The following CFAP43 variants were observed in gnomAD, a reference collection of about 807,000 sequenced individuals.
CFAP43 encodes cilia and flagella associated protein 43, also known as cilia- and flagella-associated protein 43.
CFAP43 carries 155 observed loss-of-function variants against 218.9 expected under a neutral mutation model. The ratio of observed to expected loss-of-function variants is 0.71; its 90% confidence interval spans 0.62 to 0.81. The LOEUF (loss-of-function observed/expected upper bound fraction) is 0.81. Among genes scored for constraint, CFAP43 ranks in the 30% least tolerant of loss-of-function variants. The probability of loss-of-function intolerance (pLI) is 0.00; values close to 1 mark genes in which losing one functional copy is unlikely to be tolerated. For missense variants in CFAP43, 1,778 were observed against 1,954.3 expected (o/e 0.91, Z 1.70); for synonymous variants, 645 against 681.3 (o/e 0.95, Z 0.83).
chr10:104,171,185 C>A (rs773386926), intron 20 of CFAP43, among the ~76,000 whole-genome samples: 44 of 152,152 alleles, frequency 2.9e-4, no homozygotes, highest in Non-Finnish European at 6.0e-4. Context: ...AATACATTAG[C>A]CCCATGACAG....
At chr10:104,148,139 G>C (rs954610343) in intron 28 of CFAP43, 141 bp from the exon 29 acceptor site, 6 of 437,576 alleles carry the variant, frequency 1.4e-5, no homozygotes, top group African/African-American at 2.0e-5. Context: ...AAGAAAAAGG[G>C]AATACAGCTT....
chr10:104,193,628 C>A, intron 11 of CFAP43: 2 of 453,304 alleles, frequency 4.4e-6, no homozygotes, highest in Non-Finnish European at 7.8e-6. Flanking sequence ...ATGGATAAAA[C>A]ATCTCAGGAG....
chr10:104,146,207 A>G (rs773963498), intron 30 of CFAP43, 56 bp downstream of exon 30: 82 of 1,437,782 alleles, frequency 5.7e-5, no homozygotes, highest in Non-Finnish European at 6.9e-5. Context: ...CCTTCCTCCA[A>G]TCCAGGCAGC....
chr10:104,207,096 C>A (rs377645285), intron 6 of CFAP43, among the ~76,000 whole-genome samples: 1 of 152,100 alleles, frequency 6.6e-6, no homozygotes, highest in African/African-American at 2.4e-5. Context: ...TCGCTTGAAC[C>A]CAGGAGGCGG....
chr10:104,218,054 C>T (rs532638222), intron 3 of CFAP43, among the ~76,000 whole-genome samples: 1 of 152,256 alleles, frequency 6.6e-6, no homozygotes, highest in South Asian at 2.1e-4. Flanking sequence ...TAAAGAAATG[C>T]TTGTGTTTCC....
intron 10 of CFAP43, 107 bp downstream of exon 10, chr10:104,196,746 G>C: frequency 1.1e-6 from 1 of 911,010 alleles, no homozygotes; most frequent in Non-Finnish European, 1.6e-6. Context: ...AATGCAGTGA[G>C]GCTTCGGTAA....
chr10:104,142,210 G>A (rs1345961495), intron 33 of CFAP43, 71 bp downstream of exon 33: 35 of 1,305,430 alleles, frequency 2.7e-5, no homozygotes, highest in Admixed American at 1.3e-4. Context: ...ATTCTCCCCA[G>A]TGATAACACA....
chr10:104,192,172 TA>T, intron 12 of CFAP43, 26 bp downstream of exon 12: 3 of 1,485,640 alleles, frequency 2.0e-6, no homozygotes, highest in Non-Finnish European at 2.8e-6. Flanking sequence ...ATCAATATTT[TA>T]AATTAATCAG....
intron 28 of CFAP43, among the ~76,000 whole-genome samples, chr10:104,151,782 T>C (rs2088271176): frequency 6.6e-6 from 1 of 152,230 alleles, no homozygotes; most frequent in Admixed American, 6.5e-5. Context: ...TGGTTGCTTT[T>C]GGTATCTTCA....
chr10:104,161,926 A>G, intron 26 of CFAP43, 35 bp downstream of exon 26: 1 of 1,593,308 alleles, frequency 6.3e-7, no homozygotes, highest in African/African-American at 1.3e-5. Flanking sequence ...TTTCCACCCC[A>G]TTCCACCTTC....
chr10:104,195,403 A>G (rs1360869191), intron 10 of CFAP43, among the ~76,000 whole-genome samples: 2 of 152,184 alleles, frequency 1.3e-5, no homozygotes, highest in Admixed American at 6.5e-5. Flanking sequence ...GATCTCTCCT[A>G]GTTTACTATT....
At position 104,132,164 on chromosome 10, in the gene CFAP43, A is replaced by T. The variant is rs372257729; in HGVS notation, c.4629T>A (p.Ile1543=). ...GTTCCATTATTCCAATCTGAATACTAATCAGAGCCTCATAGTTTGGTTCAT... is the reference window on the plus strand; with the variant it reads ...GTTCCATTATTCCAATCTGAATACTTATCAGAGCCTCATAGTTTGGTTCAT... The part of the protein sequence containing the change: ...YLNEPNYEAL[I]SIQIGIMEQT... Residue 1543 remains isoleucine (I), a synonymous_variant, in exon 36 of 38, where the codon ATT becomes ATA. Transcript: ENST00000357060. 9 of 1,606,168 alleles carry T rather than the reference A, an allele frequency of 5.6e-6. No homozygotes were observed. The African/African-American group carries it at 1.2e-4, about 22-fold the overall frequency.
rs867965258 is a variant in CFAP43, at chr10:104,198,746, G to A, written c.1096-708C>T. 7.4e-4 allele frequency among the ~76,000 whole-genome samples: 113 copies of A among 152,036 alleles called. 1 individual carries two copies. The highest frequency in any genetic ancestry group is 3.4e-3 in the Middle Eastern group (1 of 292). ...GCTCACTGCAACGTCTGCCTCCTGGGTTCAAGAGATTCTCCTGCCTCAGCC... is the reference window on the plus strand; with the variant it reads ...GCTCACTGCAACGTCTGCCTCCTGGATTCAAGAGATTCTCCTGCCTCAGCC... On this transcript the variant is annotated intron_variant, in intron 8 of 37. Transcript: ENST00000357060.
chr10:104,230,941 A>T, intron 1 of CFAP43, 98 bp from the exon 2 acceptor site: 1 of 1,326,666 alleles, frequency 7.5e-7, no homozygotes, highest in Non-Finnish European at 1.0e-6. Flanking sequence ...AAACATTTCT[A>T]TTTTCATGTC....
At chr10:104,156,941 G>A (rs898134121) in intron 27 of CFAP43, among the ~76,000 whole-genome samples, 5 of 152,128 alleles carry the variant, frequency 3.3e-5, no homozygotes, top group African/African-American at 9.7e-5. Flanking sequence ...CTCAACATAA[G>A]GGGCACATGA....
At chr10:104,203,936 G>T in intron 7 of CFAP43, 133 bp from the exon 8 acceptor site, 1 of 730,190 alleles carries the variant, frequency 1.4e-6, no homozygotes, top group South Asian at 3.8e-5. Flanking sequence ...TTGCATAGAT[G>T]CACTGTCCTC....
intron 3 of CFAP43, among the ~76,000 whole-genome samples, chr10:104,217,755 T>C (rs1291756209): frequency 2.0e-5 from 3 of 152,236 alleles, no homozygotes; most frequent in East Asian, 1.9e-4. Flanking sequence ...CACTGTATCA[T>C]ACAGATGCTG....
At chr10:104,161,909 G>A in intron 26 of CFAP43, 52 bp downstream of exon 26, 1 of 1,545,450 alleles carries the variant, frequency 6.5e-7, no homozygotes, top group Non-Finnish European at 8.8e-7. Context: ...TAAAACTTAA[G>A]TAGCTCTTTC....
chr10:104,178,091 A>G (rs941375883), intron 19 of CFAP43, among the ~76,000 whole-genome samples: 2 of 152,206 alleles, frequency 1.3e-5, no homozygotes, highest in Non-Finnish European at 2.9e-5. Flanking sequence ...ATAGGAAGCT[A>G]CTGAAGAATA....
Sources: gnomAD v4.1 joint callset for allele counts (sites outside exome capture counted in the v4.1 genomes callset) on GRCh38, gnomAD v4.1.1 for gene constraint, MANE v1.5 for transcripts, NCBI Gene and HGNC (gene_info 2026-07-23, HGNC 2026-07-21) for gene names.